CLIC5: variants seen among roughly 807,000 people sequenced by gnomAD.
CLIC5 encodes chloride intracellular channel protein 5.
A neutral mutation model predicts 24.7 loss-of-function variants in CLIC5; 20 were observed. The ratio of observed to expected loss-of-function variants is 0.81; its 90% CI spans 0.57 to 1.18. CLIC5 has a LOEUF of 1.18. CLIC5 is among the 50% of genes most tolerant of loss of function. CLIC5 has a pLI of 0.00. For synonymous variants in CLIC5, 159 were observed against 135.6 expected (o/e 1.17, Z -1.20); for missense variants, 341 against 326.1 (o/e 1.05, Z -0.35).
chr6:46,079,801 C>T (rs778593439), exon 1 of CLIC5: 2 of 1,552,160 alleles, frequency 1.3e-6, no homozygotes, highest in East Asian at 2.4e-5. Flanking sequence ...GTAGAGAAGG[C>T]CTTACTGTGC....
At chr6:46,086,077 C>A in the CLIC5 span, among the ~76,000 whole-genome samples, 1 of 152,206 alleles carries the variant, frequency 6.6e-6, no homozygotes, top group Non-Finnish European at 1.5e-5. Flanking sequence ...CCTGGTGCGC[C>A]GTTTTTTAAG....
At chr6:46,082,800 C>A (rs1762951511), upstream of CLIC5, among the ~76,000 whole-genome samples, 1 of 152,064 alleles carries the variant, frequency 6.6e-6, no homozygotes, top group Non-Finnish European at 1.5e-5. Flanking sequence ...CCTTACCCTA[C>A]TTTCCCCCCC....
chr6:46,128,641 TGAG>T, the CLIC5 span, among the ~76,000 whole-genome samples: 1 of 152,190 alleles, frequency 6.6e-6, no homozygotes, highest in Non-Finnish European at 1.5e-5. Context: ...GTTTTGCAGA[TGAG>T]GAAATGAAAG....
rs1762456328 is a variant in CLIC5 at position 45,899,499 on chromosome 6, C to T, written c.*3589G>A. On this transcript the variant is annotated 3_prime_UTR_variant, in exon 6 of 6. Coordinates refer to ENST00000339561, the MANE Select transcript of CLIC5 (RefSeq NM_016929.5). ...TAATTTAATTTTAGACACACACTCT[C>T]ACAGTGATGCTAAACTCTTTACAAG... 1 of 152,250 alleles carries T rather than the reference C, an allele frequency of 6.6e-6. No individual in the cohort carries two copies. Among genetic ancestry groups the T allele is most frequent in the Non-Finnish European group, 1.5e-5 (1 of 68,056 alleles). 9.4% of individuals were successfully genotyped at this position (152,250 alleles called of 1,614,324 possible).
At chr6:45,975,844 G>A (rs749284684) in intron 1 of CLIC5, among the ~76,000 whole-genome samples, 31 of 152,084 alleles carry the variant, frequency 2.0e-4, no homozygotes, top group Admixed American at 5.9e-4. Flanking sequence ...ATTAAAAAGT[G>A]CTTAAAAGTC....
chr6:46,088,504 T>C, the CLIC5 span, among the ~76,000 whole-genome samples: 3 of 152,202 alleles, frequency 2.0e-5, no homozygotes, highest in Non-Finnish European at 4.4e-5. Context: ...ATTATGAAGA[T>C]AGTTTATGTT....
chr6:46,090,155 T>C, the CLIC5 span, among the ~76,000 whole-genome samples: 2 of 152,346 alleles, frequency 1.3e-5, no homozygotes, highest in East Asian at 1.9e-4. Context: ...ATGTCTATAA[T>C]TGAAGCTGAT....
intron 1 of CLIC5, among the ~76,000 whole-genome samples, chr6:46,039,235 A>AT (rs1314322336): frequency 6.6e-6 from 1 of 152,096 alleles, no homozygotes; most frequent in Non-Finnish European, 1.5e-5. Context: ...TACTAAATTT[A>AT]TTTTTTCTAA....
intron 1 of CLIC5, among the ~76,000 whole-genome samples, chr6:46,025,870 C>T (rs540774571): frequency 2.6e-5 from 4 of 152,110 alleles, no homozygotes; most frequent in African/African-American, 9.7e-5. Flanking sequence ...TGGCACTTCC[C>T]CCTTTGTTCT....
At chr6:45,895,707 G>A (rs1031278372), downstream of CLIC5, among the ~76,000 whole-genome samples, 1 of 152,148 alleles carries the variant, frequency 6.6e-6, no homozygotes, top group Non-Finnish European at 1.5e-5. Context: ...AATAACCTAC[G>A]CTCTATCTCT....
In CLIC5 at chr6:45,901,017, T is replaced by C. The variant is rs1762497282; in HGVS notation, c.*2071A>G. 6.6e-6 allele frequency: 1 copy of C among 152,172 alleles called. No individual in the cohort carries two copies. Among genetic ancestry groups the C allele is most frequent in the African/African-American group, 2.4e-5 (1 of 41,434 alleles). The allele number at this position is 152,172 out of a possible 1,614,324, so 9.4% of individuals were successfully genotyped here. On this transcript the variant is annotated 3_prime_UTR_variant, in exon 6 of 6. Coordinates refer to ENST00000339561, the MANE Select transcript of CLIC5 (RefSeq NM_016929.5). ...GTTTCCAGAACAGCCCAACTGTGGG[T>C]CTCAGGGAAGTAAACTGCCTCTTAG...
chr6:46,031,591 A>G (rs1444655113), intron 1 of CLIC5, among the ~76,000 whole-genome samples: 2 of 152,104 alleles, frequency 1.3e-5, no homozygotes, highest in African/African-American at 2.4e-5. Context: ...CCTATTATCT[A>G]TTCAAGTTGA....
At chr6:45,990,949 T>C (rs2127423297) in intron 1 of CLIC5, among the ~76,000 whole-genome samples, 1 of 152,250 alleles carries the variant, frequency 6.6e-6, no homozygotes, top group East Asian at 1.9e-4. Context: ...TAGACCCATA[T>C]CAAGTCTCTC....
the CLIC5 span, among the ~76,000 whole-genome samples, chr6:46,101,292 G>C: frequency 1.3e-5 from 2 of 152,176 alleles, no homozygotes; most frequent in African/African-American, 4.8e-5. Context: ...TCATGTCCTT[G>C]GGAAAGGAAT....
In CLIC5 at chr6:46,002,240, A is replaced by AT. The variant is rs34935571; in HGVS notation, c.63+13239dup. Among the ~76,000 whole-genome samples the AT allele has an allele frequency of 5.5e-3, 764 of 138,476 alleles. 5 individuals are homozygous for AT. Among genetic ancestry groups the AT allele is most frequent in the African/African-American group, 0.019 (732 of 38,334 alleles). The allele number at this position is 138,476 out of a possible 152,430, so 90.8% of individuals were successfully genotyped here. On this transcript the variant is annotated intron_variant, in intron 1 of 5. Transcript: ENST00000339561. ...TATAGTGCCTAGTGAATAGTCTGTA[A>AT]TTTTTTTTGTTGTTGTTGTTGTTGG...
intron 1 of CLIC5, among the ~76,000 whole-genome samples, chr6:45,986,646 G>T (rs985358584): frequency 3.3e-5 from 5 of 152,138 alleles, no homozygotes; most frequent in Admixed American, 1.3e-4. Flanking sequence ...ACATAACAAA[G>T]AATTCCTTGC....
chr6:46,018,897 T>A (rs1203366452), upstream of CLIC5: 1 of 152,192 alleles, frequency 6.6e-6, no homozygotes, highest in Non-Finnish European at 1.5e-5. Context: ...ATAGCATTTT[T>A]AATATATTTA....
At chr6:45,957,607 G>C (rs1489939424) in intron 1 of CLIC5, among the ~76,000 whole-genome samples, 2 of 152,112 alleles carry the variant, frequency 1.3e-5, no homozygotes, top group Admixed American at 6.5e-5. Flanking sequence ...ATAGGGCATG[G>C]TATCCTTCAT....
At chr6:46,076,532 G>A (rs1581923357) in intron 1 of CLIC5, among the ~76,000 whole-genome samples, 1 of 152,132 alleles carries the variant, frequency 6.6e-6, no homozygotes, top group East Asian at 1.9e-4. Context: ...GGCCATGCGC[G>A]AGGAATGAGA....
Sources: gnomAD v4.1 joint callset for allele counts (sites outside exome capture counted in the v4.1 genomes callset) on GRCh38, gnomAD v4.1.1 for gene constraint, MANE v1.5 for transcripts, NCBI Gene and HGNC (gene_info 2026-07-23, HGNC 2026-07-21) for gene names.